TTC28: variants seen among roughly 807,000 people sequenced by gnomAD.
TTC28 encodes tetratricopeptide repeat domain 28.
Under a neutral mutation model 198.0 loss-of-function variants are expected in TTC28, and 61 were observed. The observed-to-expected ratio is 0.31, with a 90% CI of 0.25 to 0.38. The LOEUF is 0.38. Among genes scored for constraint, TTC28 ranks in the 10% least tolerant of loss-of-function variants. The probability of loss-of-function intolerance (pLI) is 1.00; values close to 1 mark genes in which losing one functional copy is unlikely to be tolerated. For missense variants in TTC28, 2,678 were observed against 3,164.0 expected (o/e 0.85, Z 3.69); for synonymous variants, 1,171 against 1,297.8 (o/e 0.90, Z 2.10).
chr22:28,293,834 T>C (rs1185605631), intron 5 of TTC28, among the ~76,000 whole-genome samples: 2 of 152,012 alleles, frequency 1.3e-5, no homozygotes, highest in Non-Finnish European at 2.9e-5. Flanking sequence ...ATCAGATAAA[T>C]ATGCTTGAGC....
At chr22:28,068,950 AT>A (rs1171441814) in intron 12 of TTC28, among the ~76,000 whole-genome samples, 1 of 152,058 alleles carries the variant, frequency 6.6e-6, no homozygotes, top group South Asian at 2.1e-4. Context: ...AGATTTCTCT[AT>A]TTTTTCATCT....
chr22:28,618,346 C>CA (rs2050935085), intron 2 of TTC28, among the ~76,000 whole-genome samples: 1 of 151,768 alleles, frequency 6.6e-6, no homozygotes. Flanking sequence ...TTTTATAGAG[C>CA]AAAAGTTAGT....
At chr22:28,037,727 T>C (rs868481465) in intron 12 of TTC28, among the ~76,000 whole-genome samples, 3 of 152,210 alleles carry the variant, frequency 2.0e-5, no homozygotes. Context: ...GAAGTCAAAG[T>C]GTCCCTGTTT....
chr22:27,999,144 T>C lies in TTC28; in HGVS notation c.4515A>G (p.Pro1505=). The change falls in exon 16 of 23, where the codon CCA becomes CCG. Residue 1505 remains proline, a synonymous_variant. Coordinates refer to ENST00000397906, the MANE Select transcript of TTC28 (RefSeq NM_001145418.2). Reference sequence around the variant, plus strand: ...CCATGTAGGCCTCTTCCTCGGCCGATGGCATGGGCCCCCACAGCCACCTGT... The same window carrying C: ...CCATGTAGGCCTCTTCCTCGGCCGACGGCATGGGCCCCCACAGCCACCTGT... ...VMDRWLWGPM[P]SAEEEAYMVS... is the part of the protein sequence containing the mutation. 4 of 1,550,632 alleles carry C rather than the reference T, an allele frequency of 2.6e-6. No homozygotes were observed. Among genetic ancestry groups the C allele is most frequent in the African/African-American group, 1.4e-5 (1 of 73,174 alleles).
At chr22:28,406,618 A>G (rs2047001523) in intron 2 of TTC28, among the ~76,000 whole-genome samples, 1 of 152,232 alleles carries the variant, frequency 6.6e-6, no homozygotes, top group South Asian at 2.1e-4. Context: ...GAAGTCTGGC[A>G]CTAGTAAACA....
At chr22:28,648,940 G>C (rs563769297) in intron 1 of TTC28, among the ~76,000 whole-genome samples, 1 of 151,726 alleles carries the variant, frequency 6.6e-6, no homozygotes, top group South Asian at 2.1e-4. Flanking sequence ...AGGAGAGAGA[G>C]AGAGAGAGAA....
chr22:28,676,522 T>C (rs1408770795), intron 1 of TTC28, among the ~76,000 whole-genome samples: 1 of 152,218 alleles, frequency 6.6e-6, no homozygotes, highest in East Asian at 1.9e-4. Context: ...TTATCTCATT[T>C]ATCTTTATCT....
At chr22:28,679,407 A>G (rs1601690161) in intron 1 of TTC28, among the ~76,000 whole-genome samples, 2 of 151,814 alleles carry the variant, frequency 1.3e-5, no homozygotes, top group East Asian at 3.9e-4. Context: ...ACACCCTCAC[A>G]CACCCACACA....
intron 2 of TTC28, among the ~76,000 whole-genome samples, chr22:28,367,566 T>A (rs976630603): frequency 6.6e-6 from 1 of 150,712 alleles, no homozygotes; most frequent in East Asian, 1.9e-4. Flanking sequence ...AATAGAGAAA[T>A]AATGAAGATC....
chr22:28,531,815 T>C (rs2049146256), intron 2 of TTC28, among the ~76,000 whole-genome samples: 1 of 152,098 alleles, frequency 6.6e-6, no homozygotes, highest in Non-Finnish European at 1.5e-5. Flanking sequence ...GACTACTGGG[T>C]ACATAACGAA....
chr22:28,393,492 G>T (rs1390845764), intron 2 of TTC28, among the ~76,000 whole-genome samples: 1 of 152,036 alleles, frequency 6.6e-6, no homozygotes, highest in Non-Finnish European at 1.5e-5. Flanking sequence ...AGGAGTTCAA[G>T]ACCAACCCAG....
At position 28,107,310 on chromosome 22, in the gene TTC28, C is replaced by G; in HGVS notation, c.2535G>C (p.Met845Ile). The change falls in exon 7 of 23, where the codon ATG becomes ATC. Residue 845 changes from methionine to isoleucine, a missense_variant. Physicochemically the swap from Met to Ile is conservative, Grantham distance 10. This residue lies in a region of TTC28 where 775 missense variants were observed against 845.9 expected (regional missense o/e 0.92). Transcript: ENST00000397906. ...TGGCTTCTTCCATCACATTCATGTT[C>G]ATCTTTGTGATGCCCATGTTGCCAT... ...QVYGNMGITK[M>I]NMNVMEEAIG... 3.9e-6 allele frequency: 6 copies of G among 1,551,878 alleles called. No individual in the cohort carries two copies. The highest frequency in any genetic ancestry group is 5.2e-6 in the Non-Finnish European group (6 of 1,147,014).
chr22:28,676,921 G>A (rs1271652738), intron 1 of TTC28, among the ~76,000 whole-genome samples: 12 of 151,526 alleles, frequency 7.9e-5, no homozygotes, highest in African/African-American at 2.4e-5. Flanking sequence ...TTGGGAGCCC[G>A]AGGAGGGTGG....
intron 2 of TTC28, among the ~76,000 whole-genome samples, chr22:28,431,115 G>A (rs1384067600): frequency 2.0e-5 from 3 of 151,918 alleles, no homozygotes; most frequent in Non-Finnish European, 4.4e-5. Flanking sequence ...ACTCTCCAGA[G>A]AACTTTGTGC....
At chr22:28,499,049 A>G (rs2048498687) in intron 2 of TTC28, among the ~76,000 whole-genome samples, 1 of 152,076 alleles carries the variant, frequency 6.6e-6, no homozygotes, top group South Asian at 2.1e-4. Context: ...GTGTAGGCAC[A>G]CGCCTGTGGT....
intron 2 of TTC28, among the ~76,000 whole-genome samples, chr22:28,577,478 G>A (rs2146044037): frequency 6.6e-6 from 1 of 152,184 alleles, no homozygotes; most frequent in Admixed American, 6.5e-5. Context: ...TACCTATTAG[G>A]TCCATTTGGT....
chr22:28,616,006 T>C (rs1469664606), intron 2 of TTC28, among the ~76,000 whole-genome samples: 1 of 152,100 alleles, frequency 6.6e-6, no homozygotes, highest in Non-Finnish European at 1.5e-5. Context: ...AATCAGTAAA[T>C]TGCAATCTCA....
At chr22:28,469,628 A>C (rs2048072582) in intron 2 of TTC28, among the ~76,000 whole-genome samples, 1 of 152,178 alleles carries the variant, frequency 6.6e-6, no homozygotes, top group Non-Finnish European at 1.5e-5. Context: ...ACTGCTTTGA[A>C]GATGAAGAAA....
Position 28,105,618 on chromosome 22 carries a change from T to C in TTC28, c.2968A>G (p.Met990Val), listed in dbSNP as rs1011786159. ...LERQLNIARD[M>V]KDRALESDAA... ...TCACTCTCCAGGGCTCGGTCTTTCA[T>C]ATCTCTAGCAATGTTCAGCTGGCGT... Residue 990 changes from methionine (M) to valine (V), a missense_variant, in exon 8 of 23, where the codon ATG becomes GTG. By Grantham distance (21) the Met-to-Val change is conservative (BLOSUM62 1). Coordinates refer to ENST00000397906, the MANE Select transcript of TTC28 (RefSeq NM_001145418.2). The C allele has an allele frequency of 6.0e-5, 93 of 1,551,866 alleles. No homozygotes were observed. Among genetic ancestry groups the C allele is most frequent in the Non-Finnish European group, 7.9e-5 (91 of 1,147,072 alleles).
Sources: allele counts gnomAD v4.1 joint callset (sites outside exome capture counted in the v4.1 genomes callset), GRCh38; gene constraint gnomAD v4.1.1; regional missense constraint gnomAD v4.1.1; transcripts MANE v1.5; gene names NCBI Gene and HGNC (gene_info 2026-07-23, HGNC 2026-07-21).